Variants in MAST2 observed in about 807,000 individuals in gnomAD.
MAST2 encodes the protein microtubule-associated serine/threonine-protein kinase 2.
In MAST2, 70 loss-of-function variants were observed where a neutral mutation model predicts 147.4. That is an observed-to-expected ratio of 0.47 (90% CI 0.39 to 0.58). The LOEUF is 0.58. Ranked by LOEUF, MAST2 falls within the 20% of genes least tolerant of loss-of-function variation. MAST2 has a pLI of 0.00. For synonymous variants in MAST2, 869 were observed against 896.8 expected (o/e 0.97, Z 0.55); for missense variants, 2,080 against 2,302.3 (o/e 0.90, Z 1.98).
chr1:45,995,141 A>T (rs948663305), intron 5 of MAST2, among the ~76,000 whole-genome samples: 1 of 151,988 alleles, frequency 6.6e-6, no homozygotes, highest in Admixed American at 6.6e-5. Context: ...CGCCTGGCCC[A>T]TATCTTCCAT....
At chr1:45,866,033 A>G (rs1413451165) in intron 3 of MAST2, among the ~76,000 whole-genome samples, 3 of 152,184 alleles carry the variant, frequency 2.0e-5, no homozygotes, top group Admixed American at 6.5e-5. Flanking sequence ...TTTTTGTACA[A>G]AATACCTAAG....
intron 18 of MAST2, chr1:46,029,240 TA>T: frequency 1.8e-6 from 1 of 553,406 alleles, no homozygotes. Context: ...TTGTGGAGTA[TA>T]AAAGCAGGGT....
chr1:45,927,298 AG>A (rs1654531353), intron 4 of MAST2, among the ~76,000 whole-genome samples: 1 of 150,718 alleles, frequency 6.6e-6, no homozygotes, highest in African/African-American at 2.4e-5. Flanking sequence ...CAGGAGATAG[AG>A]TTTTGAGATC....
chr1:45,879,536 G>A (rs1178889315), intron 3 of MAST2, among the ~76,000 whole-genome samples: 5 of 141,748 alleles, frequency 3.5e-5, no homozygotes. Context: ...TTGCACCACT[G>A]CGCTCCAGCC....
intron 3 of MAST2, among the ~76,000 whole-genome samples, chr1:45,848,597 C>T: frequency 6.6e-6 from 1 of 152,162 alleles, no homozygotes; most frequent in East Asian, 1.9e-4. Context: ...GCCTCATGCA[C>T]CTTTTCCATA....
intron 3 of MAST2, among the ~76,000 whole-genome samples, chr1:45,861,046 T>G (rs1277323239): frequency 6.6e-6 from 1 of 152,150 alleles, no homozygotes; most frequent in Non-Finnish European, 1.5e-5. Flanking sequence ...AACCTGATAA[T>G]TTTTTTAGCT....
intron 4 of MAST2, among the ~76,000 whole-genome samples, chr1:45,946,063 C>T (rs1487914357): frequency 6.6e-6 from 1 of 152,218 alleles, no homozygotes; most frequent in East Asian, 1.9e-4. Context: ...CTTAATTCTC[C>T]AGTCTCTCCC....
In MAST2 at chr1:46,002,901, T is replaced by C; in HGVS notation, c.747+18T>C. ...CTGTCTCAGTAAGTAGCCAAATCTG[T>C]GGCCATACTTCCTTCACCCTAAGGA... On this transcript the variant is annotated intron_variant, in intron 7 of 28. Transcript: ENST00000361297. The C allele has an allele frequency of 2.5e-6, 4 of 1,611,066 alleles. No homozygotes were observed. The highest frequency in any genetic ancestry group is 2.5e-6 in the Non-Finnish European group (3 of 1,177,200).
At chr1:45,993,107 C>T (rs142660019) in intron 5 of MAST2, among the ~76,000 whole-genome samples, 1 of 151,782 alleles carries the variant, frequency 6.6e-6, no homozygotes, top group Non-Finnish European at 1.5e-5. Flanking sequence ...GTTGTAAATC[C>T]CACACTATTA....
At position 46,010,801 on chromosome 1, in the gene MAST2, G is replaced by T. The variant is rs1645682767; in HGVS notation, c.1050G>T (p.Leu350Phe). ...SSNTPDSVLP[L>F]ADGALSFIHH... ...ACACTCCAGACAGCGTGCTGCCCTT[G>T]GCAGATGGAGCCCTGAGCTTTATTC... The change falls in exon 10 of 29, where the codon TTG becomes TTT. Residue 350 changes from leucine (L) to phenylalanine (F), a missense_variant. Around this residue, in one of 4 missense-constraint regions of MAST2, gnomAD observed 569 missense variants for 642.5 expected, o/e 0.89. Transcript: ENST00000361297. The T allele has an allele frequency of 6.2e-7, 1 of 1,614,234 alleles. No homozygotes were observed.
chr1:45,881,751 GTGCCTGTAATC>G (rs1646854471), intron 3 of MAST2, among the ~76,000 whole-genome samples: 1 of 151,216 alleles, frequency 6.6e-6, no homozygotes, highest in African/African-American at 2.4e-5. Flanking sequence ...CTGGCCTAGA[GTGCCTGTAATC>G]TACACTGGGG....
Position 46,006,297 on chromosome 1 carries a change from T to C in MAST2, c.804T>C (p.Asp268=). The change falls in exon 8 of 29, where the codon GAT becomes GAC. Residue 268 remains aspartate (D), a synonymous_variant. Transcript: ENST00000361297. ...LHQLPFQPTA[D]ELHFLTKHFS... The stretch of plus-strand genomic sequence containing the variant: ...AGTTGCCTTTCCAGCCTACAGCTGA[T>C]GAGCTGCACTTTTTGACGAAGCATT... 6.2e-7 allele frequency: 1 copy of C among 1,613,836 alleles called. No homozygotes were observed. Among genetic ancestry groups the C allele is most frequent in the Non-Finnish European group, 8.5e-7 (1 of 1,179,828 alleles).
intron 5 of MAST2, among the ~76,000 whole-genome samples, chr1:45,994,960 T>G (rs1644997397): frequency 6.6e-6 from 1 of 151,932 alleles, no homozygotes; most frequent in Non-Finnish European, 1.5e-5. Context: ...TGCCTCAGCC[T>G]TCCGAATATC....
intron 5 of MAST2, among the ~76,000 whole-genome samples, chr1:45,977,006 T>C (rs55652826): frequency 0.19 from 28,473 of 152,226 alleles, 3,285 homozygotes; most frequent in Non-Finnish European, 0.26. Context: ...GATGTTTGTA[T>C]AGAGAAATTG....
chr1:45,864,489 C>CA (rs1646080171), intron 3 of MAST2, among the ~76,000 whole-genome samples: 1 of 152,170 alleles, frequency 6.6e-6, no homozygotes, highest in Admixed American at 6.5e-5. Context: ...AAGAATCTGA[C>CA]ATTTGCTTTG....
chr1:45,961,922 TC>T (rs930357107), intron 5 of MAST2, among the ~76,000 whole-genome samples: 3 of 142,940 alleles, frequency 2.1e-5, no homozygotes, highest in African/African-American at 7.6e-5. Context: ...CCCTCCCCCA[TC>T]CCCCCACCCC....
At chr1:45,971,187 T>C (rs1295584398) in intron 5 of MAST2, among the ~76,000 whole-genome samples, 3 of 152,132 alleles carry the variant, frequency 2.0e-5, no homozygotes, top group African/African-American at 4.8e-5. Context: ...GCCCACTGGA[T>C]GTAGTTGCAG....
intron 3 of MAST2, among the ~76,000 whole-genome samples, chr1:45,848,581 G>C (rs1268808841): frequency 6.6e-6 from 1 of 152,178 alleles, no homozygotes; most frequent in African/African-American, 2.4e-5. Context: ...GTTTCCTCCA[G>C]ACTTTGCCTC....
chr1:45,831,489 T>G (rs1031872600), intron 3 of MAST2, among the ~76,000 whole-genome samples: 2 of 152,114 alleles, frequency 1.3e-5, no homozygotes, highest in Non-Finnish European at 2.9e-5. Flanking sequence ...AGAATCAGGA[T>G]CATTTGTGAA....
Sources: allele counts gnomAD v4.1 joint callset (sites outside exome capture counted in the v4.1 genomes callset), GRCh38; gene constraint gnomAD v4.1.1; regional missense constraint gnomAD v4.1.1; transcripts MANE v1.5; gene names NCBI Gene and HGNC (gene_info 2026-07-23, HGNC 2026-07-21).